Variants in TRPC7 observed in about 807,000 individuals in gnomAD.
TRPC7 encodes the protein short transient receptor potential channel 7.
In TRPC7, 42 loss-of-function variants were observed where a neutral mutation model predicts 90.1. The observed-to-expected ratio is 0.47, with a 90% CI of 0.36 to 0.60. TRPC7 has a LOEUF of 0.60. Among genes scored for constraint, TRPC7 ranks in the 20% least tolerant of loss-of-function variants. The pLI, the probability that TRPC7 is intolerant of heterozygous loss-of-function variation, is 0.00. For missense variants in TRPC7, 955 were observed against 1,112.3 expected, an observed-to-expected ratio of 0.86 and a Z score of 2.01; for synonymous variants, 451 against 436.3, an observed-to-expected ratio of 1.03 and a Z score of -0.42.
chr5:136,274,342 C>T (rs1732044512), intron 4 of TRPC7, among the ~76,000 whole-genome samples: 1 of 152,102 alleles, frequency 6.6e-6, no homozygotes, highest in Non-Finnish European at 1.5e-5. Context: ...AATTATTATA[C>T]TGTGGGTTTG....
At chr5:136,331,387 C>T (rs1442552178) in intron 2 of TRPC7, among the ~76,000 whole-genome samples, 1 of 151,800 alleles carries the variant, frequency 6.6e-6, no homozygotes, top group Non-Finnish European at 1.5e-5. Context: ...GTGCCAGGGC[C>T]CTGGAGGTAC....
At chr5:136,227,093 T>C (rs1443866771) in intron 8 of TRPC7, among the ~76,000 whole-genome samples, 1 of 151,920 alleles carries the variant, frequency 6.6e-6, no homozygotes, top group Non-Finnish European at 1.5e-5. Context: ...GAGTGTAGTT[T>C]GTAGGAGGTG....
intron 3 of TRPC7, among the ~76,000 whole-genome samples, chr5:136,299,802 G>C (rs1052195171): frequency 6.6e-6 from 1 of 152,158 alleles, no homozygotes; most frequent in African/African-American, 2.4e-5. Context: ...TGAAGATGGC[G>C]CTTGTTGTTC....
chr5:136,259,732 A>G (rs1377017563), intron 5 of TRPC7, among the ~76,000 whole-genome samples: 1 of 152,204 alleles, frequency 6.6e-6, no homozygotes, highest in Non-Finnish European at 1.5e-5. Flanking sequence ...GATGTTAGAG[A>G]TTCTCCAGGC....
At chr5:136,298,647 G>A (rs1054371984) in intron 3 of TRPC7, among the ~76,000 whole-genome samples, 1 of 152,062 alleles carries the variant, frequency 6.6e-6, no homozygotes, top group African/African-American at 2.4e-5. Context: ...TGGTGTAAGT[G>A]TACAAAAGGC....
At chr5:136,301,158 C>G (rs1480707683) in intron 3 of TRPC7, among the ~76,000 whole-genome samples, 2 of 152,030 alleles carry the variant, frequency 1.3e-5, no homozygotes, top group African/African-American at 2.4e-5. Flanking sequence ...TCCCGAGTAG[C>G]TGGGACTACA....
At chr5:136,264,111 C>T (rs898464699) in intron 5 of TRPC7, among the ~76,000 whole-genome samples, 3 of 152,192 alleles carry the variant, frequency 2.0e-5, no homozygotes, top group Non-Finnish European at 4.4e-5. Context: ...TTGAATTCTG[C>T]TCTGAGGGTC....
Position 136,266,429 on chromosome 5 carries a change from C to T in TRPC7, c.1136G>A (p.Arg379Gln), listed in dbSNP as rs776675990. ...CTTCATGAAAGGGCTCCTCAGGGTT[C>T]GTCCTAGCTGGAAAGAAAATGTGTT... is the stretch of plus-strand genomic sequence containing the variant. The part of the protein sequence containing the change: ...YWIAPCSKLG[R>Q]TLRSPFMKFV... The change falls in exon 5 of 12, where the codon CGA becomes CAA. Residue 379 changes from arginine (R) to glutamine (Q), a missense_variant. This residue lies in a region of TRPC7 where 484 missense variants were observed against 509.6 expected (regional missense o/e 0.95). Transcript: ENST00000513104. 1.9e-5 allele frequency: 31 copies of T among 1,613,032 alleles called. No individual in the cohort carries two copies. The Middle Eastern group carries it at 9.9e-4, about 51-fold the overall frequency.
chr5:136,331,518 A>G (rs1326763432), intron 2 of TRPC7, among the ~76,000 whole-genome samples: 6 of 152,114 alleles, frequency 3.9e-5, no homozygotes, highest in Non-Finnish European at 7.4e-5. Flanking sequence ...TGCAAATTAA[A>G]CTTGAGTTCC....
At chr5:136,301,498 C>T (rs1489035675) in intron 3 of TRPC7, among the ~76,000 whole-genome samples, 1 of 151,966 alleles carries the variant, frequency 6.6e-6, no homozygotes, top group East Asian at 1.9e-4. Flanking sequence ...GATGACATTC[C>T]ACCATTGTGA....
intron 2 of TRPC7, among the ~76,000 whole-genome samples, chr5:136,347,917 T>G (rs1051571118): frequency 1.3e-5 from 2 of 152,194 alleles, no homozygotes; most frequent in African/African-American, 4.8e-5. Flanking sequence ...ACGGTGGTCC[T>G]GGAAGCAGCC....
At chr5:136,349,939 T>G (rs1212658996) in intron 2 of TRPC7, among the ~76,000 whole-genome samples, 1 of 152,206 alleles carries the variant, frequency 6.6e-6, no homozygotes. Context: ...GCCTTTCCTA[T>G]TGAGATATGT....
chr5:136,356,975 G>A lies in TRPC7; in HGVS notation c.413C>T (p.Thr138Met), dbSNP rs1347533887. 4 of 1,612,274 alleles carry A rather than the reference G, an allele frequency of 2.5e-6. No individual in the cohort carries two copies. Among genetic ancestry groups the A allele is most frequent in the Admixed American group, 1.7e-5 (1 of 59,982 alleles). The change falls in exon 2 of 12, where the codon ACG (threonine) becomes ATG (methionine). Residue 138 changes from threonine (T) to methionine (M), a missense_variant. This residue lies in a region of TRPC7 where 484 missense variants were observed against 509.6 expected (regional missense o/e 0.95). Transcript: ENST00000513104. ...CAGCTCCTGTTCCAGCGGGCTGAGCGTCAGGCGCTGGCCCTGCGCGAAGGC... is the reference window on the plus strand; with the variant it reads ...CAGCTCCTGTTCCAGCGGGCTGAGCATCAGGCGCTGGCCCTGCGCGAAGGC... ...HPAFAQGQRL[T>M]LSPLEQELRD...
At chr5:136,336,556 A>G (rs1759671407) in intron 2 of TRPC7, among the ~76,000 whole-genome samples, 1 of 151,896 alleles carries the variant, frequency 6.6e-6, no homozygotes, top group Admixed American at 6.6e-5. Context: ...CATGTACACA[A>G]CGTGCAGGTT....
chr5:136,217,717 A>C (rs1755315241), intron 10 of TRPC7, among the ~76,000 whole-genome samples: 1 of 152,162 alleles, frequency 6.6e-6, no homozygotes, highest in Non-Finnish European at 1.5e-5. Context: ...CTAAGTTATA[A>C]AAAATATATC....
intron 2 of TRPC7, among the ~76,000 whole-genome samples, chr5:136,338,543 G>T (rs1759740150): frequency 6.6e-6 from 1 of 152,196 alleles, no homozygotes; most frequent in Non-Finnish European, 1.5e-5. Flanking sequence ...TGTTTTGAAA[G>T]AAAGCCCAAG....
intron 3 of TRPC7, among the ~76,000 whole-genome samples, chr5:136,301,332 ATTTTTTTT>A (rs368799815): frequency 1.1e-4 from 9 of 85,696 alleles, no homozygotes; most frequent in Non-Finnish European, 1.9e-4. Context: ...CAGCCCAGGC[ATTTTTTTT>A]TTTTTTTTTT....
chr5:136,346,339 T>G (rs1249427106), intron 2 of TRPC7, among the ~76,000 whole-genome samples: 1 of 152,230 alleles, frequency 6.6e-6, no homozygotes, highest in African/African-American at 2.4e-5. Flanking sequence ...AATTCTATAA[T>G]CAGCAGTGTT....
intron 2 of TRPC7, among the ~76,000 whole-genome samples, chr5:136,337,246 TA>T (rs1297200386): frequency 5.9e-5 from 9 of 152,370 alleles, no homozygotes; most frequent in Admixed American, 1.3e-4. Flanking sequence ...ATCTGGTTTC[TA>T]AATTTGCAGT....
Sources: allele counts gnomAD v4.1 joint callset (sites outside exome capture counted in the v4.1 genomes callset), GRCh38; gene constraint gnomAD v4.1.1; regional missense constraint gnomAD v4.1.1; transcripts MANE v1.5; gene names NCBI Gene and HGNC (gene_info 2026-07-23, HGNC 2026-07-21).